LOXL2: variants seen among roughly 807,000 people sequenced by gnomAD.
The protein encoded by LOXL2 is lysyl oxidase homolog 2.
In LOXL2, 70 loss-of-function variants were observed where a neutral mutation model predicts 93.0. That is an observed-to-expected ratio of 0.75 (90% CI 0.62 to 0.92). The LOEUF is 0.92. Among genes scored for constraint, LOXL2 ranks in the 40% least tolerant of loss-of-function variants. LOXL2 has a pLI of 0.00. For synonymous variants in LOXL2, 438 were observed against 413.2 expected, an observed-to-expected ratio of 1.06 and a Z score of -0.73; for missense variants, 973 against 1,054.9, an observed-to-expected ratio of 0.92 and a Z score of 1.08.
chr8:23,310,027 A>C, intron 9 of LOXL2, 116 bp from the exon 10 acceptor site: 1 of 1,156,574 alleles, frequency 8.6e-7, no homozygotes, highest in South Asian at 2.4e-5. Context: ...TTCTGGAATG[A>C]CTCAAGGGCT....
intron 1 of LOXL2, among the ~76,000 whole-genome samples, chr8:23,378,389 A>G (rs1286942460): frequency 6.6e-6 from 1 of 152,072 alleles, no homozygotes; most frequent in Non-Finnish European, 1.5e-5. Context: ...CCTTCATTTC[A>G]ACTTTGGTGA....
chr8:23,317,676 G>A (rs1025458008), intron 8 of LOXL2, among the ~76,000 whole-genome samples: 1 of 152,214 alleles, frequency 6.6e-6, no homozygotes, highest in African/African-American at 2.4e-5. Flanking sequence ...CTGCACAGAA[G>A]CTGAGGAGAT....
chr8:23,302,662 C>T (rs1184912373), intron 11 of LOXL2, among the ~76,000 whole-genome samples: 1 of 152,164 alleles, frequency 6.6e-6, no homozygotes. Context: ...CAATGAATAA[C>T]AAATTAAACA....
intron 1 of LOXL2, among the ~76,000 whole-genome samples, chr8:23,384,706 G>C (rs1483050609): frequency 6.6e-6 from 1 of 152,156 alleles, no homozygotes; most frequent in Non-Finnish European, 1.5e-5. Flanking sequence ...CTGAAGTCAG[G>C]AGTTCAAGAC....
At chr8:23,305,714 A>G (rs1378300259) in intron 10 of LOXL2, among the ~76,000 whole-genome samples, 2 of 152,160 alleles carry the variant, frequency 1.3e-5, no homozygotes, top group African/African-American at 2.4e-5. Flanking sequence ...CCAGAACGCT[A>G]AGGGGAGAGA....
In LOXL2 at chr8:23,312,643, C is replaced by T. The variant is rs1349811433; in HGVS notation, c.1637-2732G>A. Reference sequence around the variant, plus strand: ...CTCAATAAATTAGGTATTGATGGGACGTATTTCAAAATAATAAGAGCTATC... The same window carrying T: ...CTCAATAAATTAGGTATTGATGGGATGTATTTCAAAATAATAAGAGCTATC... On this transcript the variant is annotated intron_variant, in intron 9 of 13. Transcript: ENST00000389131. 6.8e-5 allele frequency among the ~76,000 whole-genome samples: 8 copies of T among 118,042 alleles called. No homozygotes were observed. In the East Asian group the frequency reaches 7.2e-4, roughly 11 times the overall value. The allele number at this position is 118,042 out of a possible 152,430, so 77.4% of individuals were successfully genotyped here.
At chr8:23,322,002 C>G in intron 7 of LOXL2, 128 bp downstream of exon 7, 6 of 1,062,850 alleles carry the variant, frequency 5.6e-6, no homozygotes, top group Non-Finnish European at 8.3e-6. Context: ...ATTGCAAATG[C>G]CAAGTGGCAA....
chr8:23,303,990 C>T (rs190258761), intron 10 of LOXL2, among the ~76,000 whole-genome samples: 45 of 152,242 alleles, frequency 3.0e-4, no homozygotes, highest in African/African-American at 9.6e-4. Flanking sequence ...TCAGGAAGGG[C>T]CTGCAGCTTC....
At chr8:23,320,538 G>A (rs1563189388) in intron 7 of LOXL2, among the ~76,000 whole-genome samples, 1 of 152,196 alleles carries the variant, frequency 6.6e-6, no homozygotes, top group Non-Finnish European at 1.5e-5. Flanking sequence ...GTATCTCAGA[G>A]ATCACAAATC....
chr8:23,378,686 C>A (rs561988446), intron 1 of LOXL2, among the ~76,000 whole-genome samples: 1 of 152,188 alleles, frequency 6.6e-6, no homozygotes, highest in Non-Finnish European at 1.5e-5. Flanking sequence ...TCATTTCATT[C>A]ATTTGATCTT....
chr8:23,372,883 A>G (rs975368010), intron 1 of LOXL2, among the ~76,000 whole-genome samples: 3 of 152,178 alleles, frequency 2.0e-5, no homozygotes, highest in Admixed American at 6.5e-5. Context: ...TAATTAACAA[A>G]CTTAACCTAA....
intron 12 of LOXL2, among the ~76,000 whole-genome samples, chr8:23,300,311 A>G (rs1803108813): frequency 6.6e-6 from 1 of 152,222 alleles, no homozygotes; most frequent in South Asian, 2.1e-4. Flanking sequence ...GGCCTGCGGG[A>G]AGTGGCTTTA....
chr8:23,382,686 G>A, intron 1 of LOXL2, among the ~76,000 whole-genome samples: 1 of 152,016 alleles, frequency 6.6e-6, no homozygotes, highest in Admixed American at 6.6e-5. Context: ...CTATTATTAT[G>A]GGCTAAACTG....
chr8:23,298,743 G>T, intron 13 of LOXL2, 93 bp downstream of exon 13: 2 of 748,290 alleles, frequency 2.7e-6, no homozygotes, highest in Non-Finnish European at 2.4e-6. Flanking sequence ...CATTCCCCGA[G>T]CTCTTTACCC....
chr8:23,322,365 C>T (rs1196588479), intron 6 of LOXL2, 84 bp from the exon 7 acceptor site: 10 of 1,225,468 alleles, frequency 8.2e-6, no homozygotes, highest in Non-Finnish European at 1.2e-5. Context: ...ACAATAAGAA[C>T]ATGCCTCTCC....
At chr8:23,309,250 T>C in intron 10 of LOXL2, among the ~76,000 whole-genome samples, 1 of 152,180 alleles carries the variant, frequency 6.6e-6, no homozygotes, top group East Asian at 1.9e-4. Flanking sequence ...CCCAAAGTGC[T>C]GGGATTACAG....
chr8:23,327,252 G>A (rs909586790), intron 6 of LOXL2, among the ~76,000 whole-genome samples: 2 of 152,228 alleles, frequency 1.3e-5, no homozygotes, highest in Admixed American at 1.3e-4. Flanking sequence ...CTAGAAGGAG[G>A]AAAGCTCTAC....
At chr8:23,400,017 G>A (rs781698251) in intron 1 of LOXL2, among the ~76,000 whole-genome samples, 8 of 152,238 alleles carry the variant, frequency 5.3e-5, no homozygotes, top group African/African-American at 1.9e-4. Flanking sequence ...AGCAACAAGC[G>A]TAACAGCAGA....
intron 1 of LOXL2, among the ~76,000 whole-genome samples, chr8:23,391,762 G>C (rs759237731): frequency 6.6e-6 from 1 of 152,182 alleles, no homozygotes; most frequent in Non-Finnish European, 1.5e-5. Flanking sequence ...AATTCCTGGA[G>C]GGGGAGTGCT....
Sources: gnomAD v4.1 joint callset for allele counts (sites outside exome capture counted in the v4.1 genomes callset) on GRCh38, gnomAD v4.1.1 for gene constraint, MANE v1.5 for transcripts, NCBI Gene and HGNC (gene_info 2026-07-23, HGNC 2026-07-21) for gene names.